CACNA1H: variants seen among roughly 807,000 people sequenced by gnomAD.
The protein encoded by CACNA1H is calcium voltage-gated channel subunit alpha1 H.
In CACNA1H, 149 loss-of-function variants were observed where a neutral mutation model predicts 192.5. That is an observed-to-expected ratio of 0.77 (90% CI 0.68 to 0.89). The LOEUF (loss-of-function observed/expected upper bound fraction) is 0.89. Among genes scored for constraint, CACNA1H ranks in the 40% least tolerant of loss-of-function variants. The pLI is 0.00. For missense variants in CACNA1H, 4,257 were observed against 3,423.5 expected, an observed-to-expected ratio of 1.24 and a Z score of -6.08; for synonymous variants, 2,202 against 1,475.2, an observed-to-expected ratio of 1.49 and a Z score of -11.29.
intron 2 of CACNA1H, among the ~76,000 whole-genome samples, chr16:1,183,598 G>A (rs906159482): frequency 3.3e-5 from 5 of 152,236 alleles, no homozygotes; most frequent in East Asian, 1.9e-4. Flanking sequence ...AACAGGACAC[G>A]TGCCTGTCGT....
chr16:1,195,308 G>A (rs1250855822), intron 3 of CACNA1H, 124 bp from the exon 4 acceptor site: 38 of 1,322,310 alleles, frequency 2.9e-5, no homozygotes, highest in Non-Finnish European at 3.9e-5. Flanking sequence ...TGGGGCTCAG[G>A]GCGGGGCAGG....
At position 1,219,123 on chromosome 16, in the gene CACNA1H, G is replaced by T. The variant is rs1970275090; in HGVS notation, c.6041G>T (p.Cys2014Phe). The change falls in exon 34 of 35, where the codon TGC becomes TTC. Residue 2014 changes from cysteine (C) to phenylalanine (F), a missense_variant. By Grantham distance (205) the Cys-to-Phe change is radical. Coordinates refer to ENST00000348261, the MANE Select transcript of CACNA1H (RefSeq NM_021098.3). ...ARSPSLSRLL[C>F]RQEAVHTDSL... ...TCCCCCAGTCTCAGCCGGCTGCTCTGCAGACAGGTAGGAGAAGCCGTTGGC... is the reference window on the plus strand; with the variant it reads ...TCCCCCAGTCTCAGCCGGCTGCTCTTCAGACAGGTAGGAGAAGCCGTTGGC... 1 of 1,538,454 alleles carries T rather than the reference G, an allele frequency of 6.5e-7. No individual in the cohort carries two copies. Among genetic ancestry groups the T allele is most frequent in the Non-Finnish European group, 8.8e-7 (1 of 1,140,428 alleles).
At chr16:1,201,497 G>A (rs532637305) in intron 8 of CACNA1H, among the ~76,000 whole-genome samples, 166 bp from the exon 9 acceptor site, 8 of 152,276 alleles carry the variant, frequency 5.3e-5, no homozygotes, top group East Asian at 3.9e-4. Flanking sequence ...TGCTCCAGAC[G>A]TGGGGGCTCA....
intron 2 of CACNA1H, among the ~76,000 whole-genome samples, chr16:1,166,463 A>G (rs1349588403): frequency 6.6e-6 from 1 of 152,030 alleles, no homozygotes; most frequent in Non-Finnish European, 1.5e-5. Context: ...GTCTTTTCCC[A>G]GTTTTATTGA....
intron 2 of CACNA1H, among the ~76,000 whole-genome samples, chr16:1,184,926 A>G (rs1965833701): frequency 6.6e-6 from 1 of 152,158 alleles, no homozygotes; most frequent in Non-Finnish European, 1.5e-5. Flanking sequence ...TGTGACGACC[A>G]GCGGATTTTA....
chr16:1,186,187 T>TACGGGGCGGGTGAGTAGACGGTCG (rs1277354111), intron 2 of CACNA1H, among the ~76,000 whole-genome samples: 10 of 151,718 alleles, frequency 6.6e-5, no homozygotes, highest in Non-Finnish European at 8.8e-5. Flanking sequence ...GCGGGGTGTG[T>TACGGGGCGGGTGAGTAGACGGTCG]GCAGGGCCAG....
chr16:1,175,486 A>C (rs559898685), intron 2 of CACNA1H, among the ~76,000 whole-genome samples: 2 of 151,844 alleles, frequency 1.3e-5, no homozygotes, highest in South Asian at 4.2e-4. Context: ...CCTGGGCTGG[A>C]TGCACCCCTG....
intron 2 of CACNA1H, among the ~76,000 whole-genome samples, chr16:1,188,843 C>T (rs949980848): frequency 6.6e-6 from 1 of 152,196 alleles, no homozygotes; most frequent in Non-Finnish European, 1.5e-5. Context: ...AGCCCTGGTA[C>T]ATCCAGGACA....
At chr16:1,183,519 T>A (rs1387709969) in intron 2 of CACNA1H, among the ~76,000 whole-genome samples, 4 of 152,206 alleles carry the variant, frequency 2.6e-5, no homozygotes, top group Non-Finnish European at 4.4e-5. Flanking sequence ...ACCCTGATCC[T>A]GGATCGTGTG....
intron 2 of CACNA1H, among the ~76,000 whole-genome samples, chr16:1,183,048 C>G (rs1055698523): frequency 6.8e-6 from 1 of 147,502 alleles, no homozygotes; most frequent in Admixed American, 6.7e-5. Context: ...CCACCCACCA[C>G]CCCCGCCCCC....
In CACNA1H at chr16:1,196,032, C is replaced by T. The variant is rs770728637; in HGVS notation, c.643+9C>T. 4 of 1,608,296 alleles carry T rather than the reference C, an allele frequency of 2.5e-6. No individual in the cohort carries two copies. Among genetic ancestry groups the T allele is most frequent in the South Asian group, 1.1e-5 (1 of 90,980 alleles). On this transcript the variant is annotated intron_variant, in intron 5 of 34. Transcript: ENST00000348261. ...CATCAACCGCGTGCCTAGTAAGTGA[C>T]CGGCCCCGACTGGGCTTGAGATCAA...
Position 1,204,125 on chromosome 16 carries a change from C to T in CACNA1H, c.2118C>T (p.Ala706=), listed in dbSNP as rs377243650. ...AGAGCTGCCCGTACTGCACCCGTGC[C>T]CTGGAGGACCCGGAGGGTGAGCTCA... ...ELKSCPYCTR[A]LEDPEGELSG... is the part of the protein sequence containing the mutation. The change falls in exon 10 of 35, where the codon GCC becomes GCT. Residue 706 remains alanine (A), a synonymous_variant. Transcript: ENST00000348261. 28 of 1,612,194 alleles carry T rather than the reference C, an allele frequency of 1.7e-5. No homozygotes were observed. Among genetic ancestry groups the T allele is most frequent in the Non-Finnish European group, 2.1e-5 (25 of 1,179,722 alleles).
At position 1,210,088 on chromosome 16, in the gene CACNA1H, C is replaced by A. The variant is rs1335463889; in HGVS notation, c.3798C>A (p.Cys1266Ter). The A allele has an allele frequency of 6.4e-7, 1 of 1,559,936 alleles. No individual in the cohort carries two copies. Among genetic ancestry groups the A allele is most frequent in the Non-Finnish European group, 8.7e-7 (1 of 1,152,772 alleles). The change falls in exon 18 of 35, where the codon TGC becomes TGA. Residue 1266 changes from cysteine (C) to a stop codon, truncating the protein, a stop_gained. Transcript: ENST00000348261. LOFTEE classifies it high-confidence loss of function. ...TGGAGCCCTACAAGCCCCAGTGGTG[C>A]CGGAGCCGCGAGGCCTGGGCCCTCT... The part of the protein sequence containing the change: ...KVLEPYKPQW[C>*]RSREAWALYL...
In CACNA1H at chr16:1,195,020, C is replaced by T. The variant is rs765567628; in HGVS notation, c.348C>T (p.Thr116=). ...TGGTAATCATGCTCAACTGCGTGAC[C>T]CTGGGCATGTTCCGGCCCTGTGAGG... ...SMLVIMLNCV[T]LGMFRPCEDV... The change falls in exon 3 of 35, where the codon ACC becomes ACT. Residue 116 remains threonine (T), a synonymous_variant. Coordinates refer to ENST00000348261, the MANE Select transcript of CACNA1H (RefSeq NM_021098.3). 32 of 1,612,026 alleles carry T rather than the reference C, an allele frequency of 2.0e-5. No homozygotes were observed. Among genetic ancestry groups the T allele is most frequent in the African/African-American group, 5.3e-5 (4 of 74,816 alleles).
intron 2 of CACNA1H, among the ~76,000 whole-genome samples, chr16:1,190,580 G>A (rs1324303517): frequency 6.6e-6 from 1 of 152,254 alleles, no homozygotes; most frequent in African/African-American, 2.4e-5. Flanking sequence ...GGTGGCTGGG[G>A]TGTGACCCGG....
Position 1,210,491 on chromosome 16 carries a change from A to G in CACNA1H, c.3967A>G (p.Thr1323Ala), listed in dbSNP as rs1373335448. The stretch of plus-strand genomic sequence containing the variant: ...GAGGCCTGACATTGATCCCGGCAGC[A>G]CCGTGAGTCAGCCAACCCCATCGTC... ...LERPDIDPGS[T>A]ERVFLSVSNY... Residue 1323 changes from threonine (T) to alanine (A), a missense_variant and splice_region_variant, in exon 19 of 35, where the codon ACC (threonine) becomes GCC (alanine). Transcript: ENST00000348261. The G allele has an allele frequency of 1.2e-5, 19 of 1,611,674 alleles. No homozygotes were observed. The highest frequency in any genetic ancestry group is 1.6e-5 in the Non-Finnish European group (19 of 1,179,712).
At chr16:1,205,905 C>G (rs530400677) in intron 11 of CACNA1H, among the ~76,000 whole-genome samples, 199 bp from the exon 12 acceptor site, 1 of 152,212 alleles carries the variant, frequency 6.6e-6, no homozygotes, top group Non-Finnish European at 1.5e-5. Context: ...GGGTAGCCCC[C>G]GGGGCCATCA....
chr16:1,172,876 G>A (rs1157355613), intron 2 of CACNA1H, among the ~76,000 whole-genome samples: 1 of 152,094 alleles, frequency 6.6e-6, no homozygotes, highest in African/African-American at 2.4e-5. Context: ...CTGTGATCAG[G>A]GCCAGGACAG....
chr16:1,194,356 ACAGT>A (rs1966842235), intron 2 of CACNA1H, among the ~76,000 whole-genome samples: 2 of 152,312 alleles, frequency 1.3e-5, no homozygotes, highest in Non-Finnish European at 2.9e-5. Flanking sequence ...TCCTGGGTCC[ACAGT>A]CAGCTGACGG....
Sources: allele counts gnomAD v4.1 joint callset (sites outside exome capture counted in the v4.1 genomes callset), GRCh38; gene constraint gnomAD v4.1.1; transcripts MANE v1.5; gene names NCBI Gene and HGNC (gene_info 2026-07-23, HGNC 2026-07-21).